Variants in SLC24A2 observed in about 807,000 individuals in gnomAD.
The protein encoded by SLC24A2 is sodium/potassium/calcium exchanger 2.
A neutral mutation model predicts 62.0 loss-of-function variants in SLC24A2; 36 were observed. That is an observed-to-expected ratio of 0.58 (90% CI 0.44 to 0.77). The LOEUF (loss-of-function observed/expected upper bound fraction) is 0.77. SLC24A2 is among the 30% of genes least tolerant of loss of function. The pLI is 0.00. For missense variants in SLC24A2, 846 were observed against 817.9 expected (o/e 1.03, Z -0.42); for synonymous variants, 358 against 294.0 (o/e 1.22, Z -2.23).
the SLC24A2 span, among the ~76,000 whole-genome samples, chr9:20,145,273 C>T: frequency 6.6e-6 from 1 of 151,964 alleles, no homozygotes; most frequent in African/African-American, 2.4e-5. Flanking sequence ...GCTCGTTGCT[C>T]TATGAAAGCA....
At chr9:19,521,180 G>C in intron 9 of SLC24A2, 120 bp from the exon 10 acceptor site, 1 of 909,382 alleles carries the variant, frequency 1.1e-6, no homozygotes, top group Non-Finnish European at 1.8e-6. Flanking sequence ...GCAAAGTGCT[G>C]AGATGATAAA....
At chr9:19,925,778 T>G in the SLC24A2 span, among the ~76,000 whole-genome samples, 1 of 152,226 alleles carries the variant, frequency 6.6e-6, no homozygotes, top group South Asian at 2.1e-4. Context: ...GTAAGGAATG[T>G]TTGGCTTCTG....
the SLC24A2 span, among the ~76,000 whole-genome samples, chr9:20,211,441 G>C: frequency 1.3e-5 from 2 of 152,156 alleles, no homozygotes; most frequent in African/African-American, 2.4e-5. Flanking sequence ...GAACCCAGGA[G>C]GCAGAGGTTG....
chr9:20,079,289 T>C, the SLC24A2 span, among the ~76,000 whole-genome samples: 2 of 152,314 alleles, frequency 1.3e-5, no homozygotes, highest in East Asian at 3.9e-4. Flanking sequence ...CCACAAAATT[T>C]ATGGTAATTT....
the SLC24A2 span, among the ~76,000 whole-genome samples, chr9:20,198,473 C>T: frequency 3.3e-5 from 5 of 152,174 alleles, no homozygotes; most frequent in Admixed American, 2.0e-4. Context: ...CTTTTCCCTA[C>T]CCCTCCCTTT....
At chr9:19,953,065 T>G in the SLC24A2 span, among the ~76,000 whole-genome samples, 9 of 152,020 alleles carry the variant, frequency 5.9e-5, no homozygotes, top group African/African-American at 1.2e-4. Flanking sequence ...ATTGCCTTAT[T>G]ATCCCTTTAA....
intron 7 of SLC24A2, among the ~76,000 whole-genome samples, chr9:19,556,813 G>A (rs73648715): frequency 0.056 from 8,467 of 152,192 alleles, 781 homozygotes; most frequent in African/African-American, 0.19. Flanking sequence ...CCCACCAGAC[G>A]TTAAACACTA....
chr9:19,866,625 CTTTTTTTTTTTT>C, the SLC24A2 span, among the ~76,000 whole-genome samples: 148 of 68,216 alleles, frequency 2.2e-3, 2 homozygotes, highest in South Asian at 0.067. Context: ...CACGTTTTCA[CTTTTTTTTTTTT>C]TTTTTTTTTT....
At chr9:20,227,948 T>C in the SLC24A2 span, among the ~76,000 whole-genome samples, 1 of 152,180 alleles carries the variant, frequency 6.6e-6, no homozygotes. Flanking sequence ...GTTTAGCTTC[T>C]TGGAGGCCAA....
At chr9:19,720,689 ACCC>A (rs370571898) in intron 2 of SLC24A2, among the ~76,000 whole-genome samples, 8 of 77,496 alleles carry the variant, frequency 1.0e-4, no homozygotes, top group African/African-American at 3.3e-4. Context: ...TACAATGACA[ACCC>A]CCCCCCCCAA....
At chr9:20,028,982 G>T in the SLC24A2 span, among the ~76,000 whole-genome samples, 1 of 152,194 alleles carries the variant, frequency 6.6e-6, no homozygotes, top group African/African-American at 2.4e-5. Context: ...CCAAGCGACA[G>T]TCCTGGATTT....
At chr9:20,021,407 A>G in the SLC24A2 span, among the ~76,000 whole-genome samples, 1 of 152,008 alleles carries the variant, frequency 6.6e-6, no homozygotes, top group African/African-American at 2.4e-5. Context: ...ATACATGTAT[A>G]TAATCTAAGG....
intron 1 of SLC24A2, among the ~76,000 whole-genome samples, 183 bp from the exon 2 acceptor site, chr9:19,787,202 T>C (rs1467311559): frequency 2.0e-5 from 3 of 152,202 alleles, no homozygotes; most frequent in Non-Finnish European, 2.9e-5. Context: ...CCACCCAGGA[T>C]TGTTTTCAAG....
intron 8 of SLC24A2, among the ~76,000 whole-genome samples, chr9:19,547,550 C>T (rs550470516): frequency 6.8e-6 from 1 of 147,536 alleles, no homozygotes; most frequent in Non-Finnish European, 1.5e-5. Context: ...CTAGGATTAC[C>T]AAGAGGATAA....
At chr9:20,176,910 G>A in the SLC24A2 span, among the ~76,000 whole-genome samples, 1 of 14,370 alleles carries the variant, frequency 7.0e-5, no homozygotes, top group Non-Finnish European at 2.2e-4. Flanking sequence ...TCTAAAGTGT[G>A]AGGATGGAGA....
At chr9:20,090,858 T>C in the SLC24A2 span, among the ~76,000 whole-genome samples, 1 of 152,042 alleles carries the variant, frequency 6.6e-6, no homozygotes, top group Non-Finnish European at 1.5e-5. Context: ...CCAGGCTGTG[T>C]TGACTGAAAT....
chr9:19,603,598 TTC>T (rs1836902227), intron 4 of SLC24A2, among the ~76,000 whole-genome samples: 1 of 152,094 alleles, frequency 6.6e-6, no homozygotes, highest in Non-Finnish European at 1.5e-5. Context: ...ATATCTTCAA[TTC>T]TGTCTTTTCT....
At chr9:19,838,768 TAA>T in the SLC24A2 span, among the ~76,000 whole-genome samples, 318 of 137,418 alleles carry the variant, frequency 2.3e-3, 2 homozygotes, top group African/African-American at 7.7e-3. Flanking sequence ...TTTCCTAATT[TAA>T]AAAAAAAAAA....
the SLC24A2 span, among the ~76,000 whole-genome samples, chr9:20,253,602 C>A: frequency 1.3e-5 from 2 of 152,154 alleles, no homozygotes; most frequent in African/African-American, 4.8e-5. Flanking sequence ...TACTCTGAAC[C>A]AGTTAATTCA....
Sources: gnomAD v4.1 joint callset for allele counts (sites outside exome capture counted in the v4.1 genomes callset) on GRCh38, gnomAD v4.1.1 for gene constraint, MANE v1.5 for transcripts, NCBI Gene and HGNC (gene_info 2026-07-23, HGNC 2026-07-21) for gene names.